CDKL5: variants seen among roughly 807,000 people sequenced by gnomAD.
The protein encoded by CDKL5 is cyclin-dependent kinase-like 5.
In CDKL5, 8 loss-of-function variants were observed where a neutral mutation model predicts 61.7. The observed-to-expected ratio is 0.13, with a 90% CI of 0.08 to 0.23. The LOEUF is 0.23. CDKL5 is among the 10% of genes least tolerant of loss of function. The pLI is 1.00. For synonymous variants in CDKL5, 275 were observed against 272.3 expected, an observed-to-expected ratio of 1.01 and a Z score of -0.10; for missense variants, 440 against 734.5, an observed-to-expected ratio of 0.60 and a Z score of 4.63.
intron 3 of CDKL5, among the ~76,000 whole-genome samples, chrX:18,530,173 A>C (rs1923592521): frequency 9.6e-6 from 1 of 103,660 alleles, no homozygotes; most frequent in Admixed American, 1.0e-4. Flanking sequence ...CTAAAAATAC[A>C]AAAAAAAAAT....
intron 13 of CDKL5, among the ~76,000 whole-genome samples, 179 bp from the exon 14 acceptor site, chrX:18,609,286 C>T (rs933735385): frequency 9.0e-6 from 1 of 110,621 alleles, no homozygotes; most frequent in Admixed American, 9.6e-5. Context: ...CCCAGCTACT[C>T]GGGAGGCTGA....
chrX:18,508,145 G>A (rs1197794145), intron 2 of CDKL5, among the ~76,000 whole-genome samples: 2 of 111,885 alleles, frequency 1.8e-5, no homozygotes, highest in African/African-American at 3.2e-5. Flanking sequence ...TATAATTATG[G>A]TTTCTTAGCA....
chrX:18,457,783 T>G (rs1407999969), intron 1 of CDKL5, among the ~76,000 whole-genome samples: 2 of 107,424 alleles, frequency 1.9e-5, no homozygotes, highest in African/African-American at 3.4e-5. Flanking sequence ...GCCCAGCTAA[T>G]TTTTATATTT....
chrX:18,593,933 T>C (rs1602279505), intron 9 of CDKL5, among the ~76,000 whole-genome samples: 1 of 112,302 alleles, frequency 8.9e-6, no homozygotes, highest in East Asian at 2.8e-4. Flanking sequence ...CATCTTGGTC[T>C]TTCCTTTCTC....
At chrX:18,584,537 T>G (rs903624083) in intron 8 of CDKL5, among the ~76,000 whole-genome samples, 184 bp downstream of exon 8, 3 of 112,243 alleles carry the variant, frequency 2.7e-5, no homozygotes, top group African/African-American at 6.5e-5. Flanking sequence ...TTGCTCAGAA[T>G]TCTGGGTGTG....
intron 1 of CDKL5, among the ~76,000 whole-genome samples, chrX:18,462,172 G>C (rs942261531): frequency 9.1e-6 from 1 of 109,339 alleles, no homozygotes; most frequent in Non-Finnish European, 1.9e-5. Flanking sequence ...ATGTGGCCCA[G>C]GGAAGCCAAA....
intron 2 of CDKL5, 71 bp downstream of exon 2, chrX:18,507,231 T>C: frequency 7.4e-6 from 5 of 678,636 alleles, no homozygotes; most frequent in East Asian, 6.4e-5. Context: ...ACCAAAAAGT[T>C]ACTAATTAGA....
chrX:18,615,848 T>C (rs1357438391), intron 15 of CDKL5, among the ~76,000 whole-genome samples: 1 of 112,511 alleles, frequency 8.9e-6, no homozygotes, highest in Non-Finnish European at 1.9e-5. Flanking sequence ...AAAGTCAAGC[T>C]ACTATGTTAT....
intron 3 of CDKL5, among the ~76,000 whole-genome samples, chrX:18,512,657 T>G (rs1922869096): frequency 1.8e-5 from 2 of 111,123 alleles, no homozygotes; most frequent in Admixed American, 1.9e-4. Flanking sequence ...TAAGGATGAT[T>G]AAGAATTTAA....
intron 1 of CDKL5, among the ~76,000 whole-genome samples, chrX:18,498,199 C>T (rs1181360926): frequency 1.8e-5 from 2 of 111,205 alleles, no homozygotes; most frequent in Non-Finnish European, 3.8e-5. Context: ...TAAACACTTC[C>T]TTGATCACTT....
intron 1 of CDKL5, among the ~76,000 whole-genome samples, chrX:18,433,102 C>T (rs931127639): frequency 3.7e-5 from 4 of 108,499 alleles, no homozygotes; most frequent in African/African-American, 1.3e-4. Context: ...GTGGTGTGCA[C>T]CTGTAGGCCC....
intron 3 of CDKL5, among the ~76,000 whole-genome samples, chrX:18,537,995 T>C (rs1260811852): frequency 2.7e-5 from 3 of 112,215 alleles, no homozygotes; most frequent in Non-Finnish European, 5.6e-5. Context: ...GTGAATGTAA[T>C]GCTTTGTAAG....
chrX:18,652,261 C>T (rs1928079516), intron 21 of CDKL5, among the ~76,000 whole-genome samples: 1 of 111,891 alleles, frequency 8.9e-6, no homozygotes, highest in African/African-American at 3.2e-5. Context: ...TCGAAACAGG[C>T]AGCAGAGGCC....
intron 3 of CDKL5, among the ~76,000 whole-genome samples, chrX:18,524,909 C>T (rs777033868): frequency 2.7e-5 from 3 of 110,937 alleles, no homozygotes; most frequent in South Asian, 7.6e-4. Flanking sequence ...GTAATTGTGT[C>T]GAGTCTATTT....
At chrX:18,552,210 C>A (rs1295895714) in intron 3 of CDKL5, among the ~76,000 whole-genome samples, 1 of 104,285 alleles carries the variant, frequency 9.6e-6, no homozygotes, top group South Asian at 4.5e-4. Flanking sequence ...TGCACTCCAG[C>A]CTGGGCAACA....
At chrX:18,580,069 C>T in intron 6 of CDKL5, 101 bp downstream of exon 6, 1 of 715,110 alleles carries the variant, frequency 1.4e-6, no homozygotes, top group Non-Finnish European at 2.2e-6. Context: ...TAAGCATTGG[C>T]ATTGCCATTT....
chrX:18,496,410 G>A (rs1046816433), intron 1 of CDKL5, among the ~76,000 whole-genome samples: 1 of 111,587 alleles, frequency 9.0e-6, no homozygotes, highest in Non-Finnish European at 1.9e-5. Context: ...AGATAAGGGG[G>A]TTGTGGAGGC....
chrX:18,590,092 G>C (rs1925779740), intron 9 of CDKL5, among the ~76,000 whole-genome samples: 1 of 111,629 alleles, frequency 9.0e-6, no homozygotes, highest in Non-Finnish European at 1.9e-5. Flanking sequence ...TAGGTTGCCT[G>C]TTCACTCTGA....
chrX:18,609,029 T>A, intron 13 of CDKL5, 117 bp downstream of exon 13: 1 of 541,125 alleles, frequency 1.8e-6, no homozygotes, highest in Non-Finnish European at 3.2e-6. Flanking sequence ...ATAAAGTAAG[T>A]AGTTTTCCTT....
Sources: gnomAD v4.1 joint callset for allele counts (sites outside exome capture counted in the v4.1 genomes callset) on GRCh38, gnomAD v4.1.1 for gene constraint, MANE v1.5 for transcripts, NCBI Gene and HGNC (gene_info 2026-07-23, HGNC 2026-07-21) for gene names.